PPP4R4: variants seen among roughly 807,000 people sequenced by gnomAD.
PPP4R4 encodes protein phosphatase 4 regulatory subunit 4, also known as serine/threonine-protein phosphatase 4 regulatory subunit 4.
In PPP4R4, 70 loss-of-function variants were observed where a neutral mutation model predicts 121.8. That is an observed-to-expected ratio of 0.57 (90% CI 0.47 to 0.70). The LOEUF (loss-of-function observed/expected upper bound fraction) is 0.70, where lower values mean the gene tolerates loss of function less well. PPP4R4 is among the 30% of genes least tolerant of loss of function. PPP4R4 has a pLI of 0.00. For synonymous variants in PPP4R4, 348 were observed against 355.7 expected (o/e 0.98, Z 0.24); for missense variants, 875 against 1,033.6 (o/e 0.85, Z 2.10).
In PPP4R4 at chr14:94,258,831, A is replaced by T. The variant is rs1566697067; in HGVS notation, c.2052+7A>T. 1.6e-5 allele frequency: 25 copies of T among 1,583,148 alleles called. No homozygotes were observed. The highest frequency in any genetic ancestry group is 2.1e-5 in the Non-Finnish European group (24 of 1,153,308). On this transcript the variant is annotated splice_region_variant and intron_variant, in intron 18 of 24. Transcript: ENST00000304338. ...GGAAATGTCTATGGATGCTGTAAGTATACTCTCTTTACCTTATTGTGTTGG... is the reference window on the plus strand; with the variant it reads ...GGAAATGTCTATGGATGCTGTAAGTTTACTCTCTTTACCTTATTGTGTTGG...
At chr14:94,260,234 G>A (rs965839471) in intron 19 of PPP4R4, among the ~76,000 whole-genome samples, 2 of 152,080 alleles carry the variant, frequency 1.3e-5, no homozygotes, top group African/African-American at 4.8e-5. Flanking sequence ...GACCATCCCG[G>A]CTAACATGGT....
rs186507443 is a variant in PPP4R4, at chr14:94,237,761, A to T, written c.853+75A>T. ...TGTTTTATGTCACTAATAAGGAATA[A>T]AAGTAGATTTAGAATTTCCTATGTT... On this transcript the variant is annotated intron_variant, in intron 8 of 24. Transcript: ENST00000304338. 4.3e-4 allele frequency: 641 copies of T among 1,502,132 alleles called. 1 individual carries two copies. The highest frequency in any genetic ancestry group is 5.5e-4 in the Non-Finnish European group (612 of 1,102,990). The allele number at this position is 1,502,132 out of a possible 1,614,324, so 93.1% of individuals were successfully genotyped here.
intron 5 of PPP4R4, among the ~76,000 whole-genome samples, chr14:94,232,626 A>G (rs1892101903): frequency 6.6e-6 from 1 of 152,230 alleles, no homozygotes; most frequent in South Asian, 2.1e-4. Context: ...TTATCAATGC[A>G]TATTCAGTAA....
At chr14:94,261,058 A>C (rs1893761103) in intron 19 of PPP4R4, among the ~76,000 whole-genome samples, 1 of 152,046 alleles carries the variant, frequency 6.6e-6, no homozygotes, top group Non-Finnish European at 1.5e-5. Flanking sequence ...TCTTTTCCCC[A>C]TTGAATTGTC....
intron 1 of PPP4R4, among the ~76,000 whole-genome samples, chr14:94,175,149 G>A (rs1227638826): frequency 2.2e-5 from 3 of 135,124 alleles, no homozygotes; most frequent in Non-Finnish European, 4.8e-5. Context: ...ACCACCCCGC[G>A]TCCCGTCCCC....
chr14:94,236,331 T>C (rs955788676), intron 7 of PPP4R4, among the ~76,000 whole-genome samples: 1 of 152,226 alleles, frequency 6.6e-6, no homozygotes, highest in Non-Finnish European at 1.5e-5. Flanking sequence ...AACTATTTTC[T>C]TTCATTGTTA....
Position 94,231,244 on chromosome 14 carries a change from G to A in PPP4R4, c.445G>A (p.Val149Ile). The A allele has an allele frequency of 6.2e-7, 1 of 1,609,942 alleles. No individual in the cohort carries two copies. Among genetic ancestry groups the A allele is most frequent in the Non-Finnish European group, 8.5e-7 (1 of 1,176,708 alleles). ...LLHLEHRDTGVSNAWLETLLS... is the reference protein window; with the variant it reads ...LLHLEHRDTGISNAWLETLLS... ...TATGTTTTATCTCTGTCAACCAGGTGTCAGCAATGCATGGCTGGAAACTCT... is the reference window on the plus strand; with the variant it reads ...TATGTTTTATCTCTGTCAACCAGGTATCAGCAATGCATGGCTGGAAACTCT... Residue 149 changes from valine (V) to isoleucine (I), a missense_variant and splice_region_variant, in exon 5 of 25, where the codon GTC becomes ATC. Val to Ile is a conservative substitution (Grantham distance 29, BLOSUM62 3). Transcript: ENST00000304338.
intron 2 of PPP4R4, among the ~76,000 whole-genome samples, chr14:94,200,388 T>C (rs1478891762): frequency 6.6e-6 from 1 of 152,210 alleles, no homozygotes; most frequent in African/African-American, 2.4e-5. Flanking sequence ...ATAGTGGTAA[T>C]GGCCTAGTTT....
chr14:94,217,550 TAGTGTCAGAGATGACCCAGATATTGGA>T (rs1891091521), intron 3 of PPP4R4, among the ~76,000 whole-genome samples: 1 of 152,196 alleles, frequency 6.6e-6, no homozygotes, highest in African/African-American at 2.4e-5. Context: ...ACAACAGGTC[TAGTGTCAGAGATGACCCAGATATTGGA>T]AGTATTAGAG....
At chr14:94,202,021 G>A (rs2139433051) in intron 2 of PPP4R4, among the ~76,000 whole-genome samples, 1 of 151,922 alleles carries the variant, frequency 6.6e-6, no homozygotes, top group Middle Eastern at 3.4e-3. Flanking sequence ...AACCTTGATG[G>A]AGACTATTAT....
chr14:94,181,116 C>T (rs368381220), intron 2 of PPP4R4, among the ~76,000 whole-genome samples: 6 of 151,962 alleles, frequency 3.9e-5, no homozygotes, highest in Non-Finnish European at 7.4e-5. Context: ...CTTTGAATGC[C>T]CTCCTTTTTA....
intron 23 of PPP4R4, among the ~76,000 whole-genome samples, chr14:94,268,154 T>C (rs1894140160): frequency 6.6e-6 from 1 of 152,136 alleles, no homozygotes; most frequent in South Asian, 2.1e-4. Flanking sequence ...ACATTCAGAG[T>C]TTAAGAACTT....
chr14:94,189,560 T>G lies in PPP4R4; in HGVS notation c.191+13433T>G, dbSNP rs1889482338. ...TGGGTCAGATTATACACTCTGGATT[T>G]CAGTCATCATTTCCATGGCATGATT... is the stretch of plus-strand genomic sequence containing the variant. On this transcript the variant is annotated intron_variant, in intron 2 of 24. Coordinates refer to ENST00000304338, the MANE Select transcript of PPP4R4 (RefSeq NM_058237.2). 2.0e-5 allele frequency among the ~76,000 whole-genome samples: 3 copies of G among 152,214 alleles called. No homozygotes were observed. The South Asian group carries it at 6.2e-4, about 32-fold the overall frequency.
At chr14:94,205,982 T>A (rs1041969808) in intron 2 of PPP4R4, among the ~76,000 whole-genome samples, 4 of 152,064 alleles carry the variant, frequency 2.6e-5, no homozygotes, top group African/African-American at 9.7e-5. Flanking sequence ...GTCTACTAAA[T>A]CTTGGTTGAT....
In PPP4R4 at chr14:94,187,263, G is replaced by A. The variant is rs1026181546; in HGVS notation, c.191+11136G>A. ...AGAGGTTGCAGTGAGCCAAGATCGC[G>A]CCACTGTACTCCAGCCTGGATGACA... On this transcript the variant is annotated intron_variant, in intron 2 of 24. Coordinates refer to ENST00000304338, the MANE Select transcript of PPP4R4 (RefSeq NM_058237.2). Among the ~76,000 whole-genome samples the A allele has an allele frequency of 3.9e-5, 6 of 152,030 alleles. No homozygotes were observed. In the South Asian group the frequency reaches 6.2e-4, roughly 16 times the overall value.
intron 23 of PPP4R4, among the ~76,000 whole-genome samples, chr14:94,274,508 A>G (rs1894528700): frequency 6.6e-6 from 1 of 152,206 alleles, no homozygotes; most frequent in South Asian, 2.1e-4. Flanking sequence ...AAGTAAGTGC[A>G]TGAAAAGATG....
intron 3 of PPP4R4, 40 bp downstream of exon 3, chr14:94,208,606 TC>T: frequency 6.7e-7 from 1 of 1,503,692 alleles, no homozygotes; most frequent in Non-Finnish European, 9.2e-7. Flanking sequence ...TCCCATTTTT[TC>T]CCAGTAGCAT....
rs1892797649 is a variant in PPP4R4 at position 94,244,647 on chromosome 14, C to T, written c.1279C>T (p.Leu427=). The T allele has an allele frequency of 6.7e-7, 1 of 1,500,032 alleles. No homozygotes were observed. Among genetic ancestry groups the T allele is most frequent in the Non-Finnish European group, 9.1e-7 (1 of 1,104,202 alleles). 92.9% of individuals were successfully genotyped at this position (1,500,032 alleles called of 1,614,324 possible). The change falls in exon 12 of 25, where the codon CTG becomes TTG. Residue 427 remains leucine (L), a synonymous_variant. Transcript: ENST00000304338. ...AICFYEVSKL[L]NSGVYLIHKE... The stretch of plus-strand genomic sequence containing the variant: ...TGCTATATTTTAGGTATCTAAGCTT[C>T]TGAATTCTGGAGTATATTTAATACA...
intron 16 of PPP4R4, 26 bp from the exon 17 acceptor site, chr14:94,256,434 C>A: frequency 6.5e-7 from 1 of 1,529,816 alleles, no homozygotes; most frequent in South Asian, 1.2e-5. Flanking sequence ...TAACTTCACT[C>A]AAGAGTAAAT....
Sources: gnomAD v4.1 joint callset for allele counts (sites outside exome capture counted in the v4.1 genomes callset) on GRCh38, gnomAD v4.1.1 for gene constraint, MANE v1.5 for transcripts, NCBI Gene and HGNC (gene_info 2026-07-23, HGNC 2026-07-21) for gene names.